CCSER1: variants seen among roughly 807,000 people sequenced by gnomAD.
CCSER1 encodes serine-rich coiled-coil domain-containing protein 1.
Under a neutral mutation model 82.0 loss-of-function variants are expected in CCSER1, and 41 were observed. The ratio of observed to expected loss-of-function variants is 0.50; its 90% confidence interval spans 0.39 to 0.65. CCSER1 has a LOEUF of 0.65. CCSER1 is among the 30% of genes least tolerant of loss of function. CCSER1 has a pLI of 0.00. For missense variants in CCSER1, 1,119 were observed against 1,064.2 expected (o/e 1.05, Z -0.72); for synonymous variants, 414 against 383.9 (o/e 1.08, Z -0.92).
At chr4:90,611,059 C>CTTTTCTTTTTTTTTTTTT (rs1303751301) in intron 5 of CCSER1, among the ~76,000 whole-genome samples, 31 of 93,820 alleles carry the variant, frequency 3.3e-4, no homozygotes, top group African/African-American at 1.6e-3. Context: ...CTTTTCTTTT[C>CTTTTCTTTTTTTTTTTTT]TTTTTTTTTT....
At chr4:91,470,644 G>T (rs1465458501) in intron 10 of CCSER1, among the ~76,000 whole-genome samples, 1 of 152,054 alleles carries the variant, frequency 6.6e-6, no homozygotes, top group Admixed American at 6.6e-5. Flanking sequence ...TAGAATAGTA[G>T]TGGTTACCTG....
At chr4:90,212,634 C>T (rs190220505) in intron 1 of CCSER1, among the ~76,000 whole-genome samples, 5 of 152,078 alleles carry the variant, frequency 3.3e-5, no homozygotes, top group East Asian at 3.9e-4. Context: ...TTATATCTGA[C>T]GTACTGGAAA....
intron 9 of CCSER1, among the ~76,000 whole-genome samples, chr4:91,072,797 T>C (rs757125425): frequency 1.3e-5 from 2 of 152,052 alleles, no homozygotes; most frequent in Non-Finnish European, 2.9e-5. Flanking sequence ...TGGTAACATA[T>C]TGTAATTGTG....
chr4:91,297,615 G>T (rs1389490546), intron 10 of CCSER1, among the ~76,000 whole-genome samples: 2 of 151,868 alleles, frequency 1.3e-5, no homozygotes, highest in Non-Finnish European at 2.9e-5. Context: ...AGGGCCAAAA[G>T]TCACACAAGG....
At chr4:90,806,460 G>A (rs1757524504) in intron 7 of CCSER1, among the ~76,000 whole-genome samples, 1 of 152,068 alleles carries the variant, frequency 6.6e-6, no homozygotes, top group African/African-American at 2.4e-5. Flanking sequence ...TTAACAAAAT[G>A]TTAATTAATA....
intron 3 of CCSER1, among the ~76,000 whole-genome samples, chr4:90,393,393 G>A (rs996932571): frequency 1.5e-4 from 23 of 152,096 alleles, no homozygotes; most frequent in South Asian, 4.1e-4. Flanking sequence ...TAGTGGAGAC[G>A]GAAATGTATA....
At chr4:91,242,835 T>TG (rs1419125692) in intron 10 of CCSER1, among the ~76,000 whole-genome samples, 1 of 152,104 alleles carries the variant, frequency 6.6e-6, no homozygotes, top group African/African-American at 2.4e-5. Context: ...ATCTAAAGGT[T>TG]GGGGGTCAAA....
chr4:91,437,979 A>C (rs1326130987), intron 10 of CCSER1, among the ~76,000 whole-genome samples: 1 of 152,176 alleles, frequency 6.6e-6, no homozygotes. Flanking sequence ...GCAGCCAGGA[A>C]GCTCGAACTG....
chr4:91,570,995 C>G lies in CCSER1; in HGVS notation c.2218-27577C>G, dbSNP rs201576882. Among the ~76,000 whole-genome samples, 13 of 152,252 alleles carry G rather than the reference C, an allele frequency of 8.5e-5. No homozygotes were observed. In the East Asian group the frequency reaches 2.5e-3, roughly 29 times the overall value. On this transcript the variant is annotated intron_variant, in intron 10 of 10. Coordinates refer to ENST00000509176, the MANE Select transcript of CCSER1 (RefSeq NM_001145065.2). The stretch of plus-strand genomic sequence containing the variant: ...AATCATCTCTCTCAAGTTCAAAGTT[C>G]CACAGATCTCTAGGGCAGGGGCAAA...
intron 1 of CCSER1, among the ~76,000 whole-genome samples, chr4:90,132,768 C>T (rs1239650487): frequency 2.6e-5 from 4 of 152,168 alleles, no homozygotes; most frequent in Non-Finnish European, 5.9e-5. Flanking sequence ...ACTTAAAGCA[C>T]GGCTTTTGGT....
At chr4:90,171,045 C>A (rs1391058021) in intron 1 of CCSER1, among the ~76,000 whole-genome samples, 2 of 151,508 alleles carry the variant, frequency 1.3e-5, no homozygotes, top group East Asian at 1.9e-4. Flanking sequence ...GTGATGGATA[C>A]CGAATTGCCT....
intron 3 of CCSER1, among the ~76,000 whole-genome samples, chr4:90,356,179 A>G (rs1466780051): frequency 1.3e-5 from 2 of 151,820 alleles, no homozygotes; most frequent in African/African-American, 2.4e-5. Context: ...CACACTATAT[A>G]TATCTATTCT....
chr4:90,515,749 A>T (rs1772177831), intron 5 of CCSER1, among the ~76,000 whole-genome samples: 2 of 152,072 alleles, frequency 1.3e-5, no homozygotes, highest in Admixed American at 1.3e-4. Flanking sequence ...GAGAAAACTG[A>T]GACATAGAGT....
chr4:90,722,090 A>C (rs1246003579), intron 6 of CCSER1, among the ~76,000 whole-genome samples: 2 of 151,736 alleles, frequency 1.3e-5, no homozygotes, highest in Non-Finnish European at 3.0e-5. Flanking sequence ...CAATCTTTAA[A>C]GTTTACCATG....
At chr4:90,575,915 G>A (rs1780706369) in intron 5 of CCSER1, among the ~76,000 whole-genome samples, 1 of 152,026 alleles carries the variant, frequency 6.6e-6, no homozygotes, top group Admixed American at 6.6e-5. Flanking sequence ...GCTCTGCTGT[G>A]AGTATATTTG....
chr4:90,761,155 C>G (rs62313015), intron 7 of CCSER1, among the ~76,000 whole-genome samples: 8,667 of 152,084 alleles, frequency 0.057, 354 homozygotes, highest in Admixed American at 0.11. Flanking sequence ...ATGATGCTGT[C>G]GTTACTAACT....
chr4:91,245,955 C>CA (rs932352455), intron 10 of CCSER1, among the ~76,000 whole-genome samples: 37 of 152,124 alleles, frequency 2.4e-4, no homozygotes, highest in African/African-American at 8.9e-4. Flanking sequence ...CTCGGCCTCC[C>CA]AAAGTGTTGG....
chr4:91,326,948 C>G (rs1268072095), intron 10 of CCSER1, among the ~76,000 whole-genome samples: 2 of 152,198 alleles, frequency 1.3e-5, no homozygotes, highest in African/African-American at 2.4e-5. Flanking sequence ...GGATGGACTA[C>G]CAAGGCCTTG....
At chr4:91,273,927 A>G (rs1319945940) in intron 10 of CCSER1, among the ~76,000 whole-genome samples, 2 of 152,206 alleles carry the variant, frequency 1.3e-5, no homozygotes, top group Non-Finnish European at 1.5e-5. Flanking sequence ...TTTAAAAGCA[A>G]TAATTAGGCT....
Sources: gnomAD v4.1 joint callset for allele counts (sites outside exome capture counted in the v4.1 genomes callset) on GRCh38, gnomAD v4.1.1 for gene constraint, MANE v1.5 for transcripts, NCBI Gene and HGNC (gene_info 2026-07-23, HGNC 2026-07-21) for gene names.